Variants in COL7A1 observed in about 807,000 individuals in gnomAD.
COL7A1 encodes the protein collagen type VII alpha 1 chain, also known as collagen alpha-1(VII) chain.
Under a neutral mutation model 456.2 loss-of-function variants are expected in COL7A1, and 296 were observed. The ratio of observed to expected loss-of-function variants is 0.65; its 90% confidence interval spans 0.59 to 0.71. The LOEUF is 0.71. Ranked by LOEUF, COL7A1 falls within the 30% of genes least tolerant of loss-of-function variation. The probability of loss-of-function intolerance (pLI) is 0.00; values close to 1 mark genes in which losing one functional copy is unlikely to be tolerated. For synonymous variants in COL7A1, 1,464 were observed against 1,525.9 expected, an observed-to-expected ratio of 0.96 and a Z score of 0.95; for missense variants, 3,441 against 4,017.2, an observed-to-expected ratio of 0.86 and a Z score of 3.88.
Position 48,580,415 on chromosome 3 carries a change from G to C in COL7A1, c.5053-71C>G. 1.9e-6 allele frequency: 3 copies of C among 1,556,400 alleles called. No individual in the cohort carries two copies. The highest frequency in any genetic ancestry group is 3.6e-5 in the Admixed American group (2 of 55,940). ...TGGGAGAGCTTTGGAAGCACCATGA[G>C]GACTCATGGGAATGTTGGTAGCCTT... On this transcript the variant is annotated intron_variant, in intron 55 of 118. Coordinates refer to ENST00000681320, the MANE Select transcript of COL7A1 (RefSeq NM_000094.4). This position sits in a 1 kb window ranked among gnomAD's most constrained non-coding sequence, Gnocchi z 4.5.
At position 48,565,429 on chromosome 3, in the gene COL7A1, G is replaced by C. The variant is rs148159956; in HGVS notation, c.8508C>G (p.Val2836=). 3.1e-6 allele frequency: 5 copies of C among 1,611,656 alleles called. 1 individual carries two copies. The South Asian group carries it at 4.4e-5, about 14-fold the overall frequency. The part of the protein sequence containing the change: ...SQLHAVPVLR[V]SHAEEEERVP... ...CCTCACCTTCCTCCTCTGCATGAGA[G>C]ACGCGGAGCACAGGCACAGCATGGA... Residue 2836 remains valine, a synonymous_variant, in exon 116 of 119, where the codon GTC becomes GTG. Coordinates refer to ENST00000681320, the MANE Select transcript of COL7A1 (RefSeq NM_000094.4). The surrounding 1 kb of genome is among the most constrained non-coding windows in gnomAD (Gnocchi z 4.5).
chr3:48,585,666 G>A lies in COL7A1; in HGVS notation c.3831+24C>T, dbSNP rs773084288. On this transcript the variant is annotated intron_variant, in intron 31 of 118. Coordinates refer to ENST00000681320, the MANE Select transcript of COL7A1 (RefSeq NM_000094.4). The surrounding 1 kb of genome is among the most constrained non-coding windows in gnomAD (Gnocchi z 4.5). ...GTGGGGATAAGCCAGTCAGGGTGCA[G>A]GGACAGATGTGGGGGACACTCACCG... 48 of 1,613,946 alleles carry A rather than the reference G, an allele frequency of 3.0e-5. No homozygotes were observed. The highest frequency in any genetic ancestry group is 4.0e-5 in the Non-Finnish European group (47 of 1,180,014).
Position 48,578,241 on chromosome 3 carries a change from G to A in COL7A1, c.5532+80C>T. Reference sequence around the variant, plus strand: ...GCATGTGTCTACACGTGTGCCTCATGTGTTGCTACAGATCTTGGCTGTGTA... The same window carrying A: ...GCATGTGTCTACACGTGTGCCTCATATGTTGCTACAGATCTTGGCTGTGTA... On this transcript the variant is annotated intron_variant, in intron 65 of 118. Transcript: ENST00000681320. The surrounding 1 kb of genome is among the most constrained non-coding windows in gnomAD (Gnocchi z 4.7). The A allele has an allele frequency of 2.0e-6, 3 of 1,527,262 alleles. No homozygotes were observed. The Admixed American group carries it at 5.2e-5, about 26-fold the overall frequency. The allele number at this position is 1,527,262 out of a possible 1,614,324, so 94.6% of individuals were successfully genotyped here. A position where few individuals can be genotyped will look rare whatever the true frequency, so the allele number is the denominator to read the frequency against.
In COL7A1 at chr3:48,569,403, C is replaced by G. The variant is rs780729722; in HGVS notation, c.7658G>C (p.Arg2553Pro). 2 of 1,614,042 alleles carry G rather than the reference C, an allele frequency of 1.2e-6. No individual in the cohort carries two copies. Among genetic ancestry groups the G allele is most frequent in the Non-Finnish European group, 1.7e-6 (2 of 1,180,016 alleles). Residue 2553 changes from arginine (R) to proline (P), a missense_variant, in exon 103 of 119, where the codon CGG becomes CCG. Around this residue, in one of 3 missense-constraint regions of COL7A1, gnomAD observed 2,084 missense variants for 2,501.3 expected, o/e 0.83. Transcript: ENST00000681320. The surrounding 1 kb of genome is among the most constrained non-coding windows in gnomAD (Gnocchi z 4.9). ...PRGLDGDKGP[R>P]GDNGDPGDKG... is the part of the protein sequence containing the mutation. ...GTCACCAGGGTCCCCATTGTCTCCC[C>G]GAGGTCCTTTGTCACCATCCAAGCC...
In COL7A1 at chr3:48,586,643, A is replaced by C. The variant is rs1437949762; in HGVS notation, c.3323T>G (p.Leu1108Arg). 1 of 1,612,736 alleles carries C rather than the reference A, an allele frequency of 6.2e-7. No individual in the cohort carries two copies. The highest frequency in any genetic ancestry group is 8.5e-7 in the Non-Finnish European group (1 of 1,179,634). ...AATGCCAAGGTCATGGGAGCCATTC[A>C]GTGGGAACAGTGGGGAGGGCCGATG... ...YSHRPSPLFP[L>R]NGSHDLGIIL... The change falls in exon 26 of 119, where the codon CTG (leucine) becomes CGG (arginine). Residue 1108 changes from leucine (L) to arginine (R), a missense_variant. Physicochemically the swap from Leu to Arg is moderately radical, Grantham distance 102 (BLOSUM62 -2). Transcript: ENST00000681320. This position sits in a 1 kb window ranked among gnomAD's most constrained non-coding sequence, Gnocchi z 5.1.
At position 48,571,697 on chromosome 3, in the gene COL7A1, A is replaced by C; in HGVS notation, c.7068+304T>G. ...GGATTGTAAACACAGGACCAAGGAG[A>C]GGTTCACAAGAACTCAGGTGTGTCC... On this transcript the variant is annotated intron_variant, in intron 92 of 118. Transcript: ENST00000681320. The surrounding 1 kb of genome is among the most constrained non-coding windows in gnomAD (Gnocchi z 4.6). 1 of 643,860 alleles carries C rather than the reference A, an allele frequency of 1.6e-6. No homozygotes were observed. Among genetic ancestry groups the C allele is most frequent in the Non-Finnish European group, 2.9e-6 (1 of 344,324 alleles). The allele number at this position is 643,860 out of a possible 1,614,324, so 39.9% of individuals were successfully genotyped here. A position where few individuals can be genotyped will look rare whatever the true frequency, so the allele number is the denominator to read the frequency against.
Position 48,579,225 on chromosome 3 carries a change from GGT to G in COL7A1, c.5358_5359del (p.Lys1786AsnfsTer85). Reference sequence around the variant, plus strand: ...CGGCCCAGAGGGCCCAGCGGCTCCTGGTTTCCCATCCAGTCCGCTCCGGCCAT... The same window carrying G: ...CGGCCCAGAGGGCCCAGCGGCTCCTGTTCCCATCCAGTCCGCTCCGGCCAT... On this transcript the variant is annotated frameshift_variant, in exon 62 of 119. Transcript: ENST00000681320. LOFTEE classifies it high-confidence loss of function. The surrounding 1 kb of genome is among the most constrained non-coding windows in gnomAD (Gnocchi z 4.4). 1 of 1,613,732 alleles carries G rather than the reference GGT, an allele frequency of 6.2e-7. No individual in the cohort carries two copies. Among genetic ancestry groups the G allele is most frequent in the Non-Finnish European group, 8.5e-7 (1 of 1,180,014 alleles).
In COL7A1 at chr3:48,574,466, T is replaced by G. The variant is rs757063728; in HGVS notation, c.6456+22A>C. ...TGAGAGCCACCTTCTTGCACATGTG[T>G]GGCTGTTGGGCAAGGACTTACCGGG... On this transcript the variant is annotated intron_variant, in intron 79 of 118. Coordinates refer to ENST00000681320, the MANE Select transcript of COL7A1 (RefSeq NM_000094.4). This position sits in a 1 kb window ranked among gnomAD's most constrained non-coding sequence, Gnocchi z 5.0. 47 of 1,614,032 alleles carry G rather than the reference T, an allele frequency of 2.9e-5. No individual in the cohort carries two copies. In the East Asian group the frequency reaches 1.0e-3, roughly 36 times the overall value.
Position 48,590,550 on chromosome 3 carries a change from C to T in COL7A1, c.1815G>A (p.Arg605=). The T allele has an allele frequency of 1.2e-6, 2 of 1,614,172 alleles. No homozygotes were observed. The highest frequency in any genetic ancestry group is 1.7e-6 in the Non-Finnish European group (2 of 1,180,040). ...PETPLAVPGL[R]VVVSDATRVR... is the part of the protein sequence containing the mutation. ...CTCGCGTTGCATCTGACACCACAAC[C>T]CGCAGCCCTGGAACAGCAAGTGGAG... Residue 605 remains arginine, a synonymous_variant, in exon 15 of 119, where the codon CGG becomes CGA. Coordinates refer to ENST00000681320, the MANE Select transcript of COL7A1 (RefSeq NM_000094.4). The surrounding 1 kb of genome is among the most constrained non-coding windows in gnomAD (Gnocchi z 4.6).
In COL7A1 at chr3:48,587,412, C is replaced by A; in HGVS notation, c.2992+8G>T. 1 of 1,613,220 alleles carries A rather than the reference C, an allele frequency of 6.2e-7. No individual in the cohort carries two copies. The highest frequency in any genetic ancestry group is 8.5e-7 in the Non-Finnish European group (1 of 1,180,020). Reference sequence around the variant, plus strand: ...GCCAGCCCACCCAAATCCTGGCCTCCCCCTCACCCTGGCCAGGGCCTCTGA... The same window carrying A: ...GCCAGCCCACCCAAATCCTGGCCTCACCCTCACCCTGGCCAGGGCCTCTGA... On this transcript the variant is annotated splice_region_variant and intron_variant, in intron 23 of 118. Coordinates refer to ENST00000681320, the MANE Select transcript of COL7A1 (RefSeq NM_000094.4). This position sits in a 1 kb window ranked among gnomAD's most constrained non-coding sequence, Gnocchi z 6.1.
chr3:48,576,217 A>T, intron 71 of COL7A1, 32 bp downstream of exon 71: 1 of 1,612,918 alleles, frequency 6.2e-7, no homozygotes, highest in South Asian at 1.1e-5. Context: ...CATGCAAAAC[A>T]GAGTCAAGGG....
At position 48,583,808 on chromosome 3, in the gene COL7A1, C is replaced by G. The variant is rs142066167; in HGVS notation, c.4279-28G>C. ...AGGAAGAAGTGAGTAAAAATATGAG[C>G]CAAGAACTATGAAGCCCAGCACCCA... On this transcript the variant is annotated intron_variant, in intron 39 of 118. Transcript: ENST00000681320. This position sits in a 1 kb window ranked among gnomAD's most constrained non-coding sequence, Gnocchi z 5.1. 1 of 1,613,670 alleles carries G rather than the reference C, an allele frequency of 6.2e-7. No homozygotes were observed. Among genetic ancestry groups the G allele is most frequent in the East Asian group, 2.2e-5 (1 of 44,858 alleles).
In COL7A1 at chr3:48,571,297, C is replaced by T; in HGVS notation, c.7069-19G>A. The stretch of plus-strand genomic sequence containing the variant: ...TCTGACCCTAAGAAAACCCAGCAAA[C>T]AGCATTTGAGAGGGTAGGAACATGA... On this transcript the variant is annotated intron_variant, in intron 92 of 118. Coordinates refer to ENST00000681320, the MANE Select transcript of COL7A1 (RefSeq NM_000094.4). The surrounding 1 kb of genome is among the most constrained non-coding windows in gnomAD (Gnocchi z 4.6). 6.2e-7 allele frequency: 1 copy of T among 1,614,118 alleles called. No homozygotes were observed. The highest frequency in any genetic ancestry group is 1.1e-5 in the South Asian group (1 of 91,080).
chr3:48,565,096 C>A lies in COL7A1; in HGVS notation c.8620+13G>T. 1 of 1,511,110 alleles carries A rather than the reference C, an allele frequency of 6.6e-7. No homozygotes were observed. Among genetic ancestry groups the A allele is most frequent in the Non-Finnish European group, 9.2e-7 (1 of 1,091,300 alleles). The allele number at this position is 1,511,110 out of a possible 1,614,324, so 93.6% of individuals were successfully genotyped here. On this transcript the variant is annotated intron_variant, in intron 117 of 118. Transcript: ENST00000681320. The surrounding 1 kb of genome is among the most constrained non-coding windows in gnomAD (Gnocchi z 4.5). ...CCCCTCCCCAGACCCCGCTGGCAGC[C>A]CCCCATTCTCACCATCACTATCCCA...
chr3:48,579,412 G>A lies in COL7A1; in HGVS notation c.5272-8C>T. 6.2e-7 allele frequency: 1 copy of A among 1,614,194 alleles called. No individual in the cohort carries two copies. The highest frequency in any genetic ancestry group is 1.1e-5 in the South Asian group (1 of 91,090). On this transcript the variant is annotated splice_polypyrimidine_tract_variant and splice_region_variant and intron_variant, in intron 60 of 118. Coordinates refer to ENST00000681320, the MANE Select transcript of COL7A1 (RefSeq NM_000094.4). The surrounding 1 kb of genome is among the most constrained non-coding windows in gnomAD (Gnocchi z 4.4). ...TCGGACACCTGGGTCCCCCTGGAGG[G>A]AACAGGGTCAGATAAGAGGTGAGGG... is the stretch of plus-strand genomic sequence containing the variant.
rs1575426549 is a variant in COL7A1, at chr3:48,570,948, G to C, written c.7185C>G (p.Gly2395=). ...CAACAACACCAGGAGCACCGGGCAG[G>C]CCAGGGAGGCCCAGATCTCCCTGAA... The part of the protein sequence containing the change: ...PGVKGDLGLP[G]LPGAPGVVGF... Residue 2395 remains glycine (G), a synonymous_variant, in exon 95 of 119, where the codon GGC becomes GGG. Transcript: ENST00000681320. The surrounding 1 kb of genome is among the most constrained non-coding windows in gnomAD (Gnocchi z 5.5). 4 of 1,613,604 alleles carry C rather than the reference G, an allele frequency of 2.5e-6. No individual in the cohort carries two copies. Among genetic ancestry groups the C allele is most frequent in the Non-Finnish European group, 2.5e-6 (3 of 1,179,848 alleles).
Position 48,593,390 on chromosome 3 carries a change from C to G in COL7A1, c.486G>C (p.Arg162Ser), listed in dbSNP as rs2045850358. 1 of 1,613,992 alleles carries G rather than the reference C, an allele frequency of 6.2e-7. No individual in the cohort carries two copies. The highest frequency in any genetic ancestry group is 1.3e-5 in the African/African-American group (1 of 74,916). ...ATAGCTTGACCCCCTGCCCCTTCAG[C>G]CTTTGGGCAGCTGTGTCCACCAGGT... ...SQDLVDTAAQ[R>S]LKGQGVKLFA... The change falls in exon 5 of 119, where the codon AGG becomes AGC. Residue 162 changes from arginine to serine, a missense_variant. Physicochemically the swap from Arg to Ser is moderately radical, Grantham distance 110 (BLOSUM62 -1). Around this residue, in one of 3 missense-constraint regions of COL7A1, gnomAD observed 913 missense variants for 1,088.2 expected, o/e 0.84. Transcript: ENST00000681320. This position sits in a 1 kb window ranked among gnomAD's most constrained non-coding sequence, Gnocchi z 4.4.
Position 48,595,154 on chromosome 3 carries a change from C to T in COL7A1, c.6G>A (p.Thr2=), listed in dbSNP as rs2045994176. Residue 2 remains threonine (T), a synonymous_variant, in exon 2 of 119, where the codon ACG becomes ACA. Transcript: ENST00000681320. M[T]LRLLVAALCA... ...AGAGCGCGGCCACCAGAAGCCGCAG[C>T]GTCATCCTAGGCAGTAAAAGCCGTC... 6.4e-7 allele frequency: 1 copy of T among 1,551,966 alleles called. No individual in the cohort carries two copies. The highest frequency in any genetic ancestry group is 8.7e-7 in the Non-Finnish European group (1 of 1,147,806).
rs2043593967 is a variant in COL7A1, at chr3:48,566,124, A to C, written c.8407+143T>G. ...CCACTGGGGACACATGTCATGTGTC[A>C]GTCCTGCAGCACATGTGTCCTTCTG... On this transcript the variant is annotated intron_variant, in intron 114 of 118. Transcript: ENST00000681320. The surrounding 1 kb of genome is among the most constrained non-coding windows in gnomAD (Gnocchi z 5.9). 1.1e-6 allele frequency: 1 copy of C among 871,418 alleles called. No homozygotes were observed. Among genetic ancestry groups the C allele is most frequent in the Non-Finnish European group, 1.9e-6 (1 of 539,380 alleles). 54.0% of individuals were successfully genotyped at this position (871,418 alleles called of 1,614,324 possible).
Sources: allele counts gnomAD v4.1 joint callset, GRCh38; gene constraint gnomAD v4.1.1; regional missense constraint gnomAD v4.1.1; non-coding constraint Gnocchi (gnomAD v3.1); transcripts MANE v1.5; gene names NCBI Gene and HGNC (gene_info 2026-07-23, HGNC 2026-07-21).